Variants in PKN2 observed in about 807,000 individuals in gnomAD.
PKN2 encodes the protein protein kinase N2, also known as serine/threonine-protein kinase N2.
In PKN2, 38 loss-of-function variants were observed where a neutral mutation model predicts 119.1. The observed-to-expected ratio is 0.32, with a 90% confidence interval of 0.25 to 0.42. PKN2 has a LOEUF of 0.42. Among genes scored for constraint, PKN2 ranks in the 10% least tolerant of loss-of-function variants. PKN2 has a pLI of 1.00. For synonymous variants in PKN2, 390 were observed against 384.9 expected (o/e 1.01, Z -0.15); for missense variants, 850 against 1,165.1 (o/e 0.73, Z 3.94).
intron 1 of PKN2, among the ~76,000 whole-genome samples, chr1:88,722,778 G>A (rs1242091039): frequency 6.7e-6 from 1 of 149,674 alleles, no homozygotes; most frequent in Non-Finnish European, 1.5e-5. Flanking sequence ...GCAAGACCCT[G>A]TCTCAAAATA....
At chr1:88,704,395 A>G (rs1193496695) in intron 1 of PKN2, among the ~76,000 whole-genome samples, 3 of 152,142 alleles carry the variant, frequency 2.0e-5, no homozygotes, top group African/African-American at 7.2e-5. Context: ...TTACCTGTTG[A>G]TGGATATTTG....
chr1:88,821,245 G>C (rs1672278074), intron 16 of PKN2, among the ~76,000 whole-genome samples: 1 of 152,164 alleles, frequency 6.6e-6, no homozygotes, highest in Non-Finnish European at 1.5e-5. Context: ...CTGTCTCTCT[G>C]TTGCCACTAC....
At chr1:88,736,573 C>T (rs941979824) in intron 1 of PKN2, among the ~76,000 whole-genome samples, 10 of 152,162 alleles carry the variant, frequency 6.6e-5, no homozygotes, top group African/African-American at 2.2e-4. Flanking sequence ...CCATGTTAGA[C>T]AGACTGGTCT....
At chr1:88,804,972 C>CTT in intron 10 of PKN2, 51 bp downstream of exon 10, 1 of 864,832 alleles carries the variant, frequency 1.2e-6, no homozygotes, top group Non-Finnish European at 1.9e-6. Flanking sequence ...CTTAAACAAT[C>CTT]TAATTACCAT....
intron 2 of PKN2, among the ~76,000 whole-genome samples, chr1:88,746,769 G>A (rs1322885638): frequency 1.3e-5 from 2 of 152,102 alleles, no homozygotes; most frequent in African/African-American, 2.4e-5. Context: ...TATATTCAAA[G>A]AAATTTAAAT....
chr1:88,824,683 G>T (rs972315662), intron 18 of PKN2, among the ~76,000 whole-genome samples: 64 of 152,148 alleles, frequency 4.2e-4, no homozygotes, highest in African/African-American at 1.5e-3. Context: ...GTTTATTCTG[G>T]TGAGACTGTA....
chr1:88,761,850 G>A (rs1433040376), intron 3 of PKN2, among the ~76,000 whole-genome samples: 1 of 151,906 alleles, frequency 6.6e-6, no homozygotes, highest in East Asian at 1.9e-4. Flanking sequence ...GTTATTTTTT[G>A]TGCTGTTATT....
intron 6 of PKN2, among the ~76,000 whole-genome samples, chr1:88,782,898 A>G (rs1033674940): frequency 1.3e-5 from 2 of 152,178 alleles, no homozygotes; most frequent in African/African-American, 4.8e-5. Context: ...TATTTCTATA[A>G]ATGTTCTTGA....
At chr1:88,696,898 A>G (rs1331850721) in intron 1 of PKN2, among the ~76,000 whole-genome samples, 1 of 152,100 alleles carries the variant, frequency 6.6e-6, no homozygotes, top group Non-Finnish European at 1.5e-5. Context: ...TATTAAAACT[A>G]TTTACATTTC....
At chr1:88,776,762 C>T (rs566711368) in intron 6 of PKN2, among the ~76,000 whole-genome samples, 39 of 151,828 alleles carry the variant, frequency 2.6e-4, no homozygotes, top group African/African-American at 9.2e-4. Context: ...AAAAGTCCTC[C>T]TGCTTCCTCC....
At chr1:88,709,728 T>G (rs1305445010) in intron 1 of PKN2, among the ~76,000 whole-genome samples, 1 of 152,226 alleles carries the variant, frequency 6.6e-6, no homozygotes, top group Admixed American at 6.5e-5. Context: ...ATACATGTTA[T>G]TATTTATTCA....
intron 1 of PKN2, among the ~76,000 whole-genome samples, chr1:88,695,043 C>T (rs1468552049): frequency 1.3e-5 from 2 of 151,854 alleles, no homozygotes; most frequent in South Asian, 2.1e-4. Context: ...AGGAGAATGG[C>T]GTGAACCCGG....
At chr1:88,805,736 A>G (rs918913955) in intron 11 of PKN2, 65 bp downstream of exon 11, 2 of 1,600,848 alleles carry the variant, frequency 1.2e-6, no homozygotes, top group African/African-American at 1.3e-5. Flanking sequence ...CGTACTGATT[A>G]TAGCAGGTGT....
chr1:88,692,962 G>A (rs1249295247), intron 1 of PKN2, among the ~76,000 whole-genome samples: 1 of 152,168 alleles, frequency 6.6e-6, no homozygotes, highest in Non-Finnish European at 1.5e-5. Flanking sequence ...ATGGCCTGGG[G>A]ATTTGTAAAC....
chr1:88,736,476 A>G (rs556944633), intron 1 of PKN2, among the ~76,000 whole-genome samples: 37 of 151,990 alleles, frequency 2.4e-4, no homozygotes, highest in Admixed American at 3.3e-4. Context: ...CAGTTCTCCA[A>G]CCTTAGCCTC....
chr1:88,786,029 C>A, intron 7 of PKN2, 75 bp from the exon 8 acceptor site: 2 of 810,006 alleles, frequency 2.5e-6, no homozygotes, highest in Non-Finnish European at 4.2e-6. Flanking sequence ...ACTTTTATTG[C>A]TAATCAAACA....
intron 6 of PKN2, among the ~76,000 whole-genome samples, chr1:88,777,689 C>G (rs750213451): frequency 2.0e-5 from 3 of 152,038 alleles, no homozygotes; most frequent in Admixed American, 6.6e-5. Context: ...TGAATGGACC[C>G]CCTCCTCTCA....
chr1:88,705,398 A>T (rs185591179), intron 1 of PKN2, among the ~76,000 whole-genome samples: 33 of 152,238 alleles, frequency 2.2e-4, no homozygotes, highest in African/African-American at 7.5e-4. Context: ...ACATTTATTT[A>T]AAAAATATAT....
chr1:88,761,056 C>T (rs1669420986), intron 3 of PKN2, among the ~76,000 whole-genome samples: 1 of 152,046 alleles, frequency 6.6e-6, no homozygotes, highest in Admixed American at 6.6e-5. Flanking sequence ...TTGGCCTAGA[C>T]CTGTGCATTC....
Sources: allele counts gnomAD v4.1 joint callset (sites outside exome capture counted in the v4.1 genomes callset), GRCh38; gene constraint gnomAD v4.1.1; transcripts MANE v1.5; gene names NCBI Gene and HGNC (gene_info 2026-07-23, HGNC 2026-07-21).